CNBD1: variants seen among roughly 807,000 people sequenced by gnomAD.
CNBD1 encodes cyclic nucleotide binding domain containing 1, also known as cyclic nucleotide-binding domain-containing protein 1.
CNBD1 carries 71 observed loss-of-function variants against 54.4 expected under a neutral mutation model. The observed-to-expected ratio is 1.30, with a 90% CI of 1.08 to 1.59. The LOEUF is 1.59. Among genes scored for constraint, CNBD1 ranks in the 40% most tolerant of loss-of-function variants. CNBD1 has a pLI of 0.00. For missense variants in CNBD1, 659 were observed against 518.0 expected, an observed-to-expected ratio of 1.27 and a Z score of -2.64; for synonymous variants, 182 against 170.7, an observed-to-expected ratio of 1.07 and a Z score of -0.51.
At chr8:87,239,959 T>A (rs529653893) in intron 6 of CNBD1, among the ~76,000 whole-genome samples, 1 of 152,178 alleles carries the variant, frequency 6.6e-6, no homozygotes, top group East Asian at 1.9e-4. Context: ...TTAAAATCTT[T>A]CATTAATTTT....
At chr8:87,296,794 G>C (rs993266042) in intron 8 of CNBD1, among the ~76,000 whole-genome samples, 3 of 151,912 alleles carry the variant, frequency 2.0e-5, no homozygotes, top group African/African-American at 7.2e-5. Flanking sequence ...ATAATATATG[G>C]TTTGAGGAAG....
chr8:87,315,516 G>A (rs1173815530), intron 8 of CNBD1, among the ~76,000 whole-genome samples: 2 of 151,896 alleles, frequency 1.3e-5, no homozygotes, highest in Admixed American at 1.3e-4. Context: ...AGATCACATG[G>A]TGAGAGACAA....
intron 3 of CNBD1, among the ~76,000 whole-genome samples, chr8:86,934,638 TAA>T (rs1319606596): frequency 6.6e-6 from 1 of 152,222 alleles, no homozygotes; most frequent in Non-Finnish European, 1.5e-5. Context: ...TTTGTCATAT[TAA>T]GTTTCATTTC....
intron 8 of CNBD1, among the ~76,000 whole-genome samples, chr8:87,319,385 G>A (rs1342861172): frequency 6.6e-6 from 1 of 152,078 alleles, no homozygotes; most frequent in East Asian, 1.9e-4. Flanking sequence ...GCCTATAGCA[G>A]TAATAAAACC....
chr8:87,425,759 C>T (rs1168862143), intron 2 of CNBD1, among the ~76,000 whole-genome samples: 3 of 152,152 alleles, frequency 2.0e-5, no homozygotes, highest in South Asian at 2.1e-4. Context: ...GCAGAGGTTA[C>T]TGCTGTCTTT....
chr8:86,933,390 T>G (rs918369369), intron 3 of CNBD1, among the ~76,000 whole-genome samples: 1 of 152,102 alleles, frequency 6.6e-6, no homozygotes, highest in African/African-American at 2.4e-5. Flanking sequence ...TACATACATA[T>G]AATGAAATCT....
In CNBD1 at chr8:87,320,773, T is replaced by A. The variant is rs1414667683; in HGVS notation, c.1043-30912T>A. On this transcript the variant is annotated intron_variant, in intron 8 of 10. Coordinates refer to ENST00000518476, the MANE Select transcript of CNBD1 (RefSeq NM_173538.3). ...AAATTTTATGTGCACATTACAGCAT[T>A]ATCAACTGCAATCACAATGTTGCTC... Among the ~76,000 whole-genome samples, 5 of 152,244 alleles carry A rather than the reference T, an allele frequency of 3.3e-5. No homozygotes were observed. In the East Asian group the frequency reaches 9.7e-4, roughly 29 times the overall value.
chr8:87,202,410 C>G (rs996197499), intron 4 of CNBD1, among the ~76,000 whole-genome samples: 2 of 151,970 alleles, frequency 1.3e-5, no homozygotes, highest in African/African-American at 4.8e-5. Flanking sequence ...CTTAGAAGAG[C>G]TGGAGAGAGA....
At chr8:87,158,001 C>T (rs931332163) in intron 4 of CNBD1, among the ~76,000 whole-genome samples, 1 of 151,992 alleles carries the variant, frequency 6.6e-6, no homozygotes, top group East Asian at 1.9e-4. Flanking sequence ...GAGCAAGTTA[C>T]TATACTACTG....
At chr8:87,003,669 T>A (rs567040162) in intron 4 of CNBD1, among the ~76,000 whole-genome samples, 97 of 152,194 alleles carry the variant, frequency 6.4e-4, no homozygotes, top group African/African-American at 2.3e-3. Context: ...AGAACACAGG[T>A]ACTAGAGGAT....
intron 8 of CNBD1, among the ~76,000 whole-genome samples, chr8:87,307,537 A>G (rs1436106235): frequency 6.6e-6 from 1 of 152,170 alleles, no homozygotes; most frequent in African/African-American, 2.4e-5. Context: ...TGGGACTTCA[A>G]GACCAGCCTG....
At chr8:87,417,470 C>T (rs916542932) in intron 2 of CNBD1, among the ~76,000 whole-genome samples, 3 of 151,892 alleles carry the variant, frequency 2.0e-5, no homozygotes, top group Admixed American at 1.3e-4. Context: ...ATTTCCTCAA[C>T]CTGGTAAAAA....
intron 5 of CNBD1, among the ~76,000 whole-genome samples, chr8:87,218,204 T>G (rs1814254196): frequency 6.6e-6 from 1 of 152,086 alleles, no homozygotes; most frequent in South Asian, 2.1e-4. Context: ...CATAATTTAA[T>G]CTGCAGTGGT....
intron 4 of CNBD1, among the ~76,000 whole-genome samples, chr8:87,081,443 A>C (rs923078566): frequency 6.6e-6 from 1 of 151,274 alleles, no homozygotes; most frequent in Admixed American, 6.6e-5. Flanking sequence ...TGAATGTACC[A>C]TGTGCATTTG....
intron 4 of CNBD1, among the ~76,000 whole-genome samples, chr8:86,998,877 G>A (rs1808935310): frequency 3.3e-5 from 5 of 152,064 alleles, no homozygotes; most frequent in Admixed American, 1.3e-4. Flanking sequence ...GCCTTATGCT[G>A]GACCCTCAAA....
chr8:86,876,827 A>C (rs915260160), intron 1 of CNBD1, among the ~76,000 whole-genome samples: 4 of 151,968 alleles, frequency 2.6e-5, no homozygotes, highest in Admixed American at 2.6e-4. Context: ...TAAAATCTAC[A>C]TCCTTAGTGA....
At chr8:86,886,369 A>G (rs34275895) in intron 1 of CNBD1, among the ~76,000 whole-genome samples, 71,618 of 151,942 alleles carry the variant, frequency 0.47, 17,080 homozygotes, top group East Asian at 0.55. Context: ...CTTAAGGCTT[A>G]CCTGAGCAAT....
At chr8:87,031,148 A>G (rs1586209939) in intron 4 of CNBD1, among the ~76,000 whole-genome samples, 2 of 151,732 alleles carry the variant, frequency 1.3e-5, no homozygotes, top group South Asian at 2.1e-4. Context: ...TAAAAATGGC[A>G]AGGGAATAGG....
At chr8:87,329,882 T>A (rs1809783561) in intron 8 of CNBD1, among the ~76,000 whole-genome samples, 1 of 151,990 alleles carries the variant, frequency 6.6e-6, no homozygotes, top group Non-Finnish European at 1.5e-5. Flanking sequence ...ATATATATTT[T>A]TCTCCTCTCT....
Sources: gnomAD v4.1 joint callset for allele counts (sites outside exome capture counted in the v4.1 genomes callset) on GRCh38, gnomAD v4.1.1 for gene constraint, MANE v1.5 for transcripts, NCBI Gene and HGNC (gene_info 2026-07-23, HGNC 2026-07-21) for gene names.